MORC1: variants seen among roughly 807,000 people sequenced by gnomAD.
MORC1 encodes the protein MORC family CW-type zinc finger protein 1.
Under a neutral mutation model 134.9 loss-of-function variants are expected in MORC1, and 59 were observed. The observed-to-expected ratio is 0.44, with a 90% CI of 0.35 to 0.54. The LOEUF is 0.54. Among genes scored for constraint, MORC1 ranks in the 20% least tolerant of loss-of-function variants. The pLI is 0.00. For missense variants in MORC1, 947 were observed against 1,134.5 expected (o/e 0.83, Z 2.37); for synonymous variants, 395 against 391.7 (o/e 1.01, Z -0.10).
At chr3:109,033,561 T>C (rs765889467) in intron 15 of MORC1, among the ~76,000 whole-genome samples, 1 of 152,162 alleles carries the variant, frequency 6.6e-6, no homozygotes, top group Non-Finnish European at 1.5e-5. Context: ...GGTTAACACT[T>C]GTCCCTTTCA....
intron 21 of MORC1, among the ~76,000 whole-genome samples, chr3:108,988,034 C>T (rs1947942764): frequency 6.6e-6 from 1 of 152,024 alleles, no homozygotes. Flanking sequence ...GAAGTTTGCT[C>T]ATTGTGGACA....
At chr3:108,982,408 C>T (rs1361031346) in intron 23 of MORC1, among the ~76,000 whole-genome samples, 2 of 151,978 alleles carry the variant, frequency 1.3e-5, no homozygotes, top group Non-Finnish European at 2.9e-5. Flanking sequence ...TGGGTATATA[C>T]CCAAAGGATT....
rs1201021177 is a variant in MORC1 at position 108,958,377 on chromosome 3, C to T, written c.*588G>A. The T allele has an allele frequency of 6.6e-6, 1 of 151,162 alleles. No homozygotes were observed. The highest frequency in any genetic ancestry group is 1.5e-5 in the Non-Finnish European group (1 of 67,826). 9.4% of individuals were successfully genotyped at this position (151,162 alleles called of 1,614,324 possible). A position where few individuals can be genotyped will look rare whatever the true frequency, so the allele number is the denominator to read the frequency against. On this transcript the variant is annotated 3_prime_UTR_variant, in exon 28 of 28. Coordinates refer to ENST00000232603, the MANE Select transcript of MORC1 (RefSeq NM_014429.4). Reference sequence around the variant, plus strand: ...TGTAAATGTAAAACAACAATTTTTACATATGTGTAATATGTATACATATTA... The same window carrying T: ...TGTAAATGTAAAACAACAATTTTTATATATGTGTAATATGTATACATATTA...
chr3:108,975,070 A>T (rs1425995604), intron 24 of MORC1, among the ~76,000 whole-genome samples: 1 of 152,194 alleles, frequency 6.6e-6, no homozygotes, highest in Non-Finnish European at 1.5e-5. Context: ...AAAATCTTTG[A>T]CCCATGTTGA....
At chr3:109,017,154 T>C (rs1196356642) in intron 17 of MORC1, among the ~76,000 whole-genome samples, 1 of 127,458 alleles carries the variant, frequency 7.8e-6, no homozygotes, top group African/African-American at 3.2e-5. Flanking sequence ...AAACTTATCT[T>C]GCTGAGCTTG....
At chr3:109,001,884 C>T (rs1948413240) in intron 20 of MORC1, among the ~76,000 whole-genome samples, 1 of 152,316 alleles carries the variant, frequency 6.6e-6, no homozygotes, top group East Asian at 1.9e-4. Flanking sequence ...GTAAGCTGAA[C>T]TCATGCTGTT....
intron 17 of MORC1, among the ~76,000 whole-genome samples, chr3:109,007,941 A>ATATGTGTGTGTGTG: frequency 6.7e-6 from 1 of 149,616 alleles, no homozygotes; most frequent in East Asian, 2.0e-4. Context: ...GCACATATAT[A>ATATGTGTGTGTGTG]TGTGTGTGTG....
chr3:109,087,539 A>T (rs552539448), intron 8 of MORC1, among the ~76,000 whole-genome samples: 2 of 152,116 alleles, frequency 1.3e-5, no homozygotes, highest in Non-Finnish European at 2.9e-5. Context: ...GATTTCCACA[A>T]GGAGAATTAC....
chr3:109,093,339 T>C, intron 8 of MORC1, 97 bp downstream of exon 8: 1 of 878,216 alleles, frequency 1.1e-6, no homozygotes, highest in Non-Finnish European at 1.8e-6. Flanking sequence ...GTCCCAGTGC[T>C]AAAACCCAGT....
At chr3:109,007,176 T>G in intron 17 of MORC1, 85 bp from the exon 18 acceptor site, 1 of 1,062,374 alleles carries the variant, frequency 9.4e-7, no homozygotes, top group Non-Finnish European at 1.4e-6. Flanking sequence ...CATTCTCCAT[T>G]TCTTAAAGAA....
chr3:109,017,171 AATCG>A (rs915074857), intron 17 of MORC1, among the ~76,000 whole-genome samples: 5 of 146,278 alleles, frequency 3.4e-5, no homozygotes, highest in African/African-American at 1.3e-4. Context: ...CTTGGCAATC[AATCG>A]CCTTTCTGTT....
intron 8 of MORC1, among the ~76,000 whole-genome samples, chr3:109,080,143 G>A (rs1950495856): frequency 6.6e-6 from 1 of 152,110 alleles, no homozygotes; most frequent in Non-Finnish European, 1.5e-5. Flanking sequence ...TCACACTGCT[G>A]ATAAAGACAT....
intron 1 of MORC1, among the ~76,000 whole-genome samples, chr3:109,117,644 G>T (rs901527130): frequency 2.0e-5 from 3 of 152,190 alleles, no homozygotes; most frequent in African/African-American, 4.8e-5. Flanking sequence ...TACTCTGTTT[G>T]AAGGGCAACT....
chr3:108,974,171 A>C (rs1947484244), intron 24 of MORC1, among the ~76,000 whole-genome samples: 2 of 152,070 alleles, frequency 1.3e-5, no homozygotes, highest in African/African-American at 4.8e-5. Flanking sequence ...TCTCCCTTGG[A>C]GATTCTGGTC....
intron 15 of MORC1, among the ~76,000 whole-genome samples, chr3:109,034,670 A>AT (rs1175255402): frequency 6.6e-6 from 1 of 152,156 alleles, no homozygotes; most frequent in African/African-American, 2.4e-5. Flanking sequence ...TTTCACAAAC[A>AT]TTTTAGCTGA....
intron 21 of MORC1, among the ~76,000 whole-genome samples, chr3:108,993,001 G>A (rs1948108735): frequency 6.6e-6 from 1 of 152,102 alleles, no homozygotes; most frequent in Non-Finnish European, 1.5e-5. Flanking sequence ...TAACAACCTT[G>A]AGAATAGATG....
chr3:109,063,359 G>A, intron 9 of MORC1, 128 bp from the exon 10 acceptor site: 1 of 511,794 alleles, frequency 2.0e-6, no homozygotes, highest in Middle Eastern at 5.5e-4. Flanking sequence ...CGAGTGAGTT[G>A]CATCCAGCTG....
chr3:108,971,041 G>A (rs1227973316), intron 25 of MORC1, among the ~76,000 whole-genome samples: 1 of 152,094 alleles, frequency 6.6e-6, no homozygotes, highest in African/African-American at 2.4e-5. Flanking sequence ...ATGTATCTAA[G>A]GAACAGAAAC....
At chr3:109,037,500 G>C (rs1949406043) in intron 14 of MORC1, among the ~76,000 whole-genome samples, 1 of 152,214 alleles carries the variant, frequency 6.6e-6, no homozygotes. Flanking sequence ...GTGCAGGTTT[G>C]TTACGTAGGC....
Sources: allele counts gnomAD v4.1 joint callset (sites outside exome capture counted in the v4.1 genomes callset), GRCh38; gene constraint gnomAD v4.1.1; transcripts MANE v1.5; gene names NCBI Gene and HGNC (gene_info 2026-07-23, HGNC 2026-07-21).